Variants in EPHB1 observed in about 807,000 individuals in gnomAD.
EPHB1 encodes the protein EPH receptor B1, also known as ephrin type-B receptor 1.
EPHB1 carries 30 observed loss-of-function variants against 94.4 expected under a neutral mutation model. The observed-to-expected ratio is 0.32, with a 90% CI of 0.24 to 0.43. The LOEUF is 0.43. Ranked by LOEUF, EPHB1 falls within the 20% of genes least tolerant of loss-of-function variation. The pLI is 1.00. For missense variants in EPHB1, 1,055 were observed against 1,308.3 expected (o/e 0.81, Z 2.99); for synonymous variants, 522 against 489.1 (o/e 1.07, Z -0.89).
At chr3:135,041,044 GT>G (rs1156686250) in intron 3 of EPHB1, among the ~76,000 whole-genome samples, 2 of 152,074 alleles carry the variant, frequency 1.3e-5, no homozygotes, top group East Asian at 3.9e-4. Flanking sequence ...ATTTTCTTTT[GT>G]GGTGGAAAGT....
At chr3:134,899,055 T>C (rs16842233) in intron 1 of EPHB1, among the ~76,000 whole-genome samples, 11,791 of 152,142 alleles carry the variant, frequency 0.077, 472 homozygotes, top group South Asian at 0.11. Context: ...GAGGAAAACA[T>C]CCCTACTTAT....
At chr3:135,006,141 C>T (rs997984682) in intron 3 of EPHB1, among the ~76,000 whole-genome samples, 11 of 152,220 alleles carry the variant, frequency 7.2e-5, no homozygotes, top group Non-Finnish European at 1.0e-4. Flanking sequence ...GTCAATTAAA[C>T]CTCTTTCCTT....
At chr3:134,837,583 A>T (rs2036695755) in intron 1 of EPHB1, among the ~76,000 whole-genome samples, 1 of 152,154 alleles carries the variant, frequency 6.6e-6, no homozygotes, top group Non-Finnish European at 1.5e-5. Flanking sequence ...GGCTGGTGAG[A>T]CTGGGTGCCC....
In EPHB1 at chr3:135,084,494, C is replaced by T. The variant is rs192223000; in HGVS notation, c.806-21954C>T. On this transcript the variant is annotated intron_variant, in intron 3 of 15. Transcript: ENST00000398015. ...TGTGTCATATAGGTCCCTTGCTTAA[C>T]GGAGGTGTGCGCTGACTGGCTGCGT... Among the ~76,000 whole-genome samples the T allele has an allele frequency of 6.8e-4, 103 of 152,252 alleles. 1 individual carries two copies. Among genetic ancestry groups the T allele is most frequent in the Admixed American group, 6.1e-3 (94 of 15,292 alleles).
intron 5 of EPHB1, among the ~76,000 whole-genome samples, chr3:135,152,360 G>A (rs1941221336): frequency 6.6e-6 from 1 of 152,194 alleles, no homozygotes; most frequent in Admixed American, 6.5e-5. Context: ...GCAGCTCCTG[G>A]AGGCAAGAAG....
At chr3:135,135,614 G>A (rs1940593842) in intron 5 of EPHB1, among the ~76,000 whole-genome samples, 1 of 152,128 alleles carries the variant, frequency 6.6e-6, no homozygotes, top group African/African-American at 2.4e-5. Context: ...CCCTGAGCTG[G>A]TCCACTCTAG....
At chr3:135,052,403 A>G (rs1937194288) in intron 3 of EPHB1, among the ~76,000 whole-genome samples, 1 of 152,090 alleles carries the variant, frequency 6.6e-6, no homozygotes, top group African/African-American at 2.4e-5. Context: ...CTGGTTAGAG[A>G]AAGAGAAAAA....
intron 1 of EPHB1, among the ~76,000 whole-genome samples, chr3:134,917,879 A>C (rs1639038015): frequency 1.3e-5 from 2 of 152,346 alleles, no homozygotes; most frequent in South Asian, 4.1e-4. Flanking sequence ...GAGTGTTCTT[A>C]AGAAAACACA....
chr3:135,200,312 C>T (rs1942720803), intron 11 of EPHB1, among the ~76,000 whole-genome samples: 1 of 152,152 alleles, frequency 6.6e-6, no homozygotes, highest in Non-Finnish European at 1.5e-5. Flanking sequence ...AGGGCATCCA[C>T]CCAAGAAACT....
intron 3 of EPHB1, among the ~76,000 whole-genome samples, chr3:134,960,840 C>G (rs1246505433): frequency 1.3e-5 from 2 of 152,234 alleles, no homozygotes; most frequent in Admixed American, 6.5e-5. Flanking sequence ...AGAAAGGCTG[C>G]AGAATGAAAT....
chr3:134,813,484 A>T (rs569252413), intron 1 of EPHB1, among the ~76,000 whole-genome samples: 1 of 152,318 alleles, frequency 6.6e-6, no homozygotes, highest in East Asian at 1.9e-4. Context: ...ATTTTTCTGC[A>T]CAGATTGTCC....
At position 135,191,426 on chromosome 3, in the gene EPHB1, G is replaced by A. The variant is rs115786854; in HGVS notation, c.1883-1150G>A. Among the ~76,000 whole-genome samples the A allele has an allele frequency of 2.2e-3, 339 of 152,264 alleles. 1 individual carries two copies. Among genetic ancestry groups the A allele is most frequent in the African/African-American group, 7.8e-3 (323 of 41,546 alleles). ...AATGTTAACTTGTCTTTCTAATATGGCAAGTAATTTATCTGATTGCTCAGT... is the reference window on the plus strand; with the variant it reads ...AATGTTAACTTGTCTTTCTAATATGACAAGTAATTTATCTGATTGCTCAGT... On this transcript the variant is annotated intron_variant, in intron 10 of 15. Coordinates refer to ENST00000398015, the MANE Select transcript of EPHB1 (RefSeq NM_004441.5).
At chr3:134,903,105 G>A (rs2038236947) in intron 1 of EPHB1, among the ~76,000 whole-genome samples, 1 of 152,116 alleles carries the variant, frequency 6.6e-6, no homozygotes, top group Non-Finnish European at 1.5e-5. Context: ...TTGTATATTC[G>A]GTATTACTAA....
At chr3:135,110,873 TG>T (rs892475264) in intron 4 of EPHB1, among the ~76,000 whole-genome samples, 4 of 151,494 alleles carry the variant, frequency 2.6e-5, no homozygotes, top group East Asian at 1.9e-4. Flanking sequence ...AGTGGTGGGG[TG>T]GGGGGGTGGT....
intron 13 of EPHB1, among the ~76,000 whole-genome samples, chr3:135,245,430 A>G (rs1394472587): frequency 1.3e-5 from 2 of 150,960 alleles, no homozygotes; most frequent in Admixed American, 1.3e-4. Flanking sequence ...AGGAGGAATC[A>G]GTGGCTGTTT....
intron 6 of EPHB1, among the ~76,000 whole-genome samples, chr3:135,156,953 T>G (rs1379138128): frequency 2.6e-5 from 4 of 152,198 alleles, no homozygotes; most frequent in Non-Finnish European, 5.9e-5. Context: ...GTAGCTCTAT[T>G]GAAATAACAC....
At chr3:134,905,402 C>T (rs998784481) in intron 1 of EPHB1, among the ~76,000 whole-genome samples, 53 of 152,236 alleles carry the variant, frequency 3.5e-4, no homozygotes, top group African/African-American at 1.2e-3. Context: ...TTTCTCTTGT[C>T]ACTTTCCGCA....
Position 135,064,409 on chromosome 3 carries a change from T to C in EPHB1, c.806-42039T>C, listed in dbSNP as rs546523866. ...TTGGCCTGTTTAGGGTATCTAATTC[T>C]TCCTGATTTAAGCTAGGAGGGTTGT... On this transcript the variant is annotated intron_variant, in intron 3 of 15. Transcript: ENST00000398015. Among the ~76,000 whole-genome samples the C allele has an allele frequency of 3.3e-5, 5 of 152,280 alleles. No individual in the cohort carries two copies. In the East Asian group the frequency reaches 9.7e-4, roughly 29 times the overall value.
intron 4 of EPHB1, among the ~76,000 whole-genome samples, chr3:135,114,740 A>G (rs1371166680): frequency 4.0e-5 from 6 of 148,762 alleles, no homozygotes; most frequent in African/African-American, 1.5e-4. Context: ...TAAATAAATA[A>G]ATAAATAAAT....
Sources: gnomAD v4.1 joint callset for allele counts (sites outside exome capture counted in the v4.1 genomes callset) on GRCh38, gnomAD v4.1.1 for gene constraint, MANE v1.5 for transcripts, NCBI Gene and HGNC (gene_info 2026-07-23, HGNC 2026-07-21) for gene names.